Variants in TRMU observed in about 807,000 individuals in gnomAD.
The protein encoded by TRMU is tRNA mitochondrial 2-thiouridylase, also known as mitochondrial tRNA-specific 2-thiouridylase 1.
Under a neutral mutation model 46.9 loss-of-function variants are expected in TRMU, and 49 were observed. The observed-to-expected ratio is 1.05, with a 90% CI of 0.83 to 1.33. TRMU has a LOEUF of 1.33. Among genes scored for constraint, TRMU ranks in the 40% most tolerant of loss-of-function variants. The pLI, the probability that TRMU is intolerant of heterozygous loss-of-function variation, is 0.00. For synonymous variants in TRMU, 241 were observed against 200.9 expected (o/e 1.20, Z -1.69); for missense variants, 572 against 532.4 (o/e 1.07, Z -0.73).
chr22:46,336,276 C>G lies in TRMU; in HGVS notation c.82+430C>G, dbSNP rs1455940028. Reference sequence around the variant, plus strand: ...GGCCGCCCGGTGGGAGGTCCTTGTCCTCCCCACTCAGCAGACTGGACAACT... The same window carrying G: ...GGCCGCCCGGTGGGAGGTCCTTGTCGTCCCCACTCAGCAGACTGGACAACT... On this transcript the variant is annotated intron_variant, in intron 1 of 10. Coordinates refer to ENST00000645190, the MANE Select transcript of TRMU (RefSeq NM_018006.5). This position sits in a 1 kb window ranked among gnomAD's most constrained non-coding sequence, Gnocchi z 4.1. The G allele has an allele frequency of 2.5e-6, 1 of 406,378 alleles. No individual in the cohort carries two copies. Among genetic ancestry groups the G allele is most frequent in the South Asian group, 6.1e-5 (1 of 16,434 alleles). 25.2% of individuals were successfully genotyped at this position (406,378 alleles called of 1,614,324 possible).
Position 46,335,759 on chromosome 22 carries a change from T to A in TRMU, c.-6T>A. ...GCTGCAGCTGGCGAAGTTGGGCGAC[T>A]GGCGGATGCAGGCCTTGCGGCACGT... On this transcript the variant is annotated 5_prime_UTR_variant, in exon 1 of 11. Transcript: ENST00000645190. 1 of 1,550,538 alleles carries A rather than the reference T, an allele frequency of 6.4e-7. No homozygotes were observed. The highest frequency in any genetic ancestry group is 8.7e-7 in the Non-Finnish European group (1 of 1,151,608).
In TRMU at chr22:46,349,513, A is replaced by C. The variant is rs1039288090; in HGVS notation, c.479-778A>C. ...ACGGCATGTGGCGTGCTCTGAGTGT[A>C]ACTCGAAAGGAGAAGTTTATGAGAA... On this transcript the variant is annotated intron_variant, in intron 4 of 10. Transcript: ENST00000645190. This position sits in a 1 kb window ranked among gnomAD's most constrained non-coding sequence, Gnocchi z 4.6. Among the ~76,000 whole-genome samples, 1 of 152,244 alleles carries C rather than the reference A, an allele frequency of 6.6e-6. No individual in the cohort carries two copies. The highest frequency in any genetic ancestry group is 1.5e-5 in the Non-Finnish European group (1 of 68,038).
In TRMU at chr22:46,350,282, T is replaced by C; in HGVS notation, c.479-9T>C. ...TCCTGCATCGTCTTTTGTTCTTTAT[T>C]CTTGGCAGCGGTAAAACTCCTCCAG... On this transcript the variant is annotated splice_polypyrimidine_tract_variant and intron_variant, in intron 4 of 10. Transcript: ENST00000645190. This position sits in a 1 kb window ranked among gnomAD's most constrained non-coding sequence, Gnocchi z 4.6. 6.2e-7 allele frequency: 1 copy of C among 1,614,214 alleles called. No individual in the cohort carries two copies. Among genetic ancestry groups the C allele is most frequent in the Non-Finnish European group, 8.5e-7 (1 of 1,180,026 alleles).
intron 7 of TRMU, chr22:46,353,470 C>T (rs907535878): frequency 2.1e-5 from 8 of 381,142 alleles, no homozygotes; most frequent in Admixed American, 3.7e-5. Context: ...CACCCAGCCG[C>T]ATCCTGGGCC....
rs1466804790 is a variant in TRMU at position 46,353,866 on chromosome 22, T to C, written c.872T>C (p.Val291Ala). ...GACAGCGTCAAGGGTGACGTGTTTG[T>C]GGTGAGTGGGCCGGCCTCTGAGACA... ...EKDSVKGDVF[V>A]APRTDHPALY... Residue 291 changes from valine (V) to alanine (A), a missense_variant and splice_region_variant, in exon 8 of 11, where the codon GTG (valine) becomes GCG (alanine). Val to Ala is a moderately conservative substitution (Grantham distance 64, BLOSUM62 0). Transcript: ENST00000645190. 1.2e-6 allele frequency: 2 copies of C among 1,613,256 alleles called. No homozygotes were observed. Among genetic ancestry groups the C allele is most frequent in the Non-Finnish European group, 1.7e-6 (2 of 1,179,508 alleles).
rs1017300365 is a variant in TRMU at position 46,339,851 on chromosome 22, A to G, written c.248+1907A>G. Among the ~76,000 whole-genome samples the G allele has an allele frequency of 6.6e-6, 1 of 152,172 alleles. No individual in the cohort carries two copies. Among genetic ancestry groups the G allele is most frequent in the African/African-American group, 2.4e-5 (1 of 41,432 alleles). ...AATTTTCCTGGGGAAAGTTACCTGTAGAATGCATGATAAATGCATTAAAAA... is the reference window on the plus strand; with the variant it reads ...AATTTTCCTGGGGAAAGTTACCTGTGGAATGCATGATAAATGCATTAAAAA... On this transcript the variant is annotated intron_variant, in intron 2 of 10. Coordinates refer to ENST00000645190, the MANE Select transcript of TRMU (RefSeq NM_018006.5). The surrounding 1 kb of genome is among the most constrained non-coding windows in gnomAD (Gnocchi z 4.8).
chr22:46,340,375 A>G (rs2078090474), intron 2 of TRMU, among the ~76,000 whole-genome samples: 1 of 152,218 alleles, frequency 6.6e-6, no homozygotes, highest in Non-Finnish European at 1.5e-5. Flanking sequence ...TTGAGGGGAC[A>G]ACAGGGAATC....
chr22:46,356,096 C>T, intron 10 of TRMU, 24 bp downstream of exon 10: 2 of 1,613,286 alleles, frequency 1.2e-6, no homozygotes, highest in Non-Finnish European at 1.7e-6. Flanking sequence ...GGGGGTGAGC[C>T]CGGGGAGGAC....
rs188070280 is a variant in TRMU, at chr22:46,348,769, T to C, written c.479-1522T>C. Among the ~76,000 whole-genome samples the C allele has an allele frequency of 6.6e-6, 1 of 152,276 alleles. No individual in the cohort carries two copies. The highest frequency in any genetic ancestry group is 1.9e-4 in the East Asian group (1 of 5,184). ...AAAATGACGCAGAACTAGGAGAAAA[T>C]GCAAATGGCTCCTAGTTTTCTGAGG... On this transcript the variant is annotated intron_variant, in intron 4 of 10. Coordinates refer to ENST00000645190, the MANE Select transcript of TRMU (RefSeq NM_018006.5). This position sits in a 1 kb window ranked among gnomAD's most constrained non-coding sequence, Gnocchi z 4.8.
chr22:46,356,571 C>T (rs1323970830), intron 10 of TRMU: 2 of 532,506 alleles, frequency 3.8e-6, no homozygotes, highest in Non-Finnish European at 6.8e-6. Context: ...GTGCAGAGAC[C>T]TGCCAGTCCC....
Position 46,336,183 on chromosome 22 carries a change from G to A in TRMU, c.82+337G>A, listed in dbSNP as rs1379482989. The A allele has an allele frequency of 1.7e-6, 2 of 1,193,954 alleles. No individual in the cohort carries two copies. The highest frequency in any genetic ancestry group is 2.1e-6 in the Non-Finnish European group (2 of 952,940). The allele number at this position is 1,193,954 out of a possible 1,614,324, so 74.0% of individuals were successfully genotyped here. On this transcript the variant is annotated intron_variant, in intron 1 of 10. Transcript: ENST00000645190. The surrounding 1 kb of genome is among the most constrained non-coding windows in gnomAD (Gnocchi z 4.1). ...ATCTGCGGCGTCCACATTCACCTGT[G>A]AGACCGTGGACACTGGTGAGGGGAG...
At chr22:46,340,367 G>A (rs1243118928) in intron 2 of TRMU, among the ~76,000 whole-genome samples, 1 of 152,208 alleles carries the variant, frequency 6.6e-6, no homozygotes, top group Non-Finnish European at 1.5e-5. Flanking sequence ...TGTAGAGTTT[G>A]AGGGGACAAC....
rs936585922 is a variant in TRMU at position 46,356,877 on chromosome 22, C to T, written c.1137C>T (p.Gly379=). 1.9e-6 allele frequency: 3 copies of T among 1,613,364 alleles called. No individual in the cohort carries two copies. Among genetic ancestry groups the T allele is most frequent in the African/African-American group, 1.3e-5 (1 of 74,942 alleles). Residue 379 remains glycine (G), a synonymous_variant, in exon 11 of 11, where the codon GGC becomes GGT. Coordinates refer to ENST00000645190, the MANE Select transcript of TRMU (RefSeq NM_018006.5). The stretch of plus-strand genomic sequence containing the variant: ...TCTACAAGGGGGACGAGTGCCTGGG[C>T]AGCGGGAAGATCCTGCGGCTGGGGC... ...AVFYKGDECL[G]SGKILRLGPS...
At chr22:46,356,602 C>T (rs2078616930) in intron 10 of TRMU, 1 of 568,692 alleles carries the variant, frequency 1.8e-6, no homozygotes, top group Admixed American at 3.0e-5. Flanking sequence ...AGGAGAGGCC[C>T]CTGTGACTGT....
In TRMU at chr22:46,350,350, G is replaced by T. The variant is rs863224239; in HGVS notation, c.538G>T (p.Val180Phe). 6.2e-7 allele frequency: 1 copy of T among 1,614,116 alleles called. No homozygotes were observed. The highest frequency in any genetic ancestry group is 1.3e-5 in the African/African-American group (1 of 74,944). The change falls in exon 5 of 11, where the codon GTT becomes TTT. Residue 180 changes from valine (V) to phenylalanine (F), a missense_variant. Coordinates refer to ENST00000645190, the MANE Select transcript of TRMU (RefSeq NM_018006.5). This position sits in a 1 kb window ranked among gnomAD's most constrained non-coding sequence, Gnocchi z 4.6. ...FKDQTFFLSQ[V>F]SQDALRRTIF... ...AGACCAGACCTTCTTTCTCAGCCAG[G>T]TTTCCCAGGATGCCCTGAGGAGAAC... is the stretch of plus-strand genomic sequence containing the variant.
rs1450500839 is a variant in TRMU at position 46,348,487 on chromosome 22, C to T, written c.479-1804C>T. ...GTAGAGCACCTGCAGGGGCAGTGGACGGCCTGGGCTCAGGGTCGGTCAGCA... is the reference window on the plus strand; with the variant it reads ...GTAGAGCACCTGCAGGGGCAGTGGATGGCCTGGGCTCAGGGTCGGTCAGCA... On this transcript the variant is annotated intron_variant, in intron 4 of 10. Transcript: ENST00000645190. This position sits in a 1 kb window ranked among gnomAD's most constrained non-coding sequence, Gnocchi z 4.8. Among the ~76,000 whole-genome samples the T allele has an allele frequency of 3.3e-5, 5 of 152,212 alleles. No homozygotes were observed. Among genetic ancestry groups the T allele is most frequent in the South Asian group, 2.1e-4 (1 of 4,834 alleles).
In TRMU at chr22:46,348,909, C is replaced by T. The variant is rs1431509255; in HGVS notation, c.479-1382C>T. Among the ~76,000 whole-genome samples the T allele has an allele frequency of 2.0e-5, 3 of 151,694 alleles. No homozygotes were observed. The highest frequency in any genetic ancestry group is 2.9e-5 in the Non-Finnish European group (2 of 67,960). ...CAGCACTTTGGGAAGCCAAGGCAGG[C>T]GGATCATGAGGTCAGGAGTTCCAGA... On this transcript the variant is annotated intron_variant, in intron 4 of 10. Coordinates refer to ENST00000645190, the MANE Select transcript of TRMU (RefSeq NM_018006.5). The surrounding 1 kb of genome is among the most constrained non-coding windows in gnomAD (Gnocchi z 4.8).
At chr22:46,355,749 C>T in intron 9 of TRMU, 161 bp downstream of exon 9, 1 of 1,314,110 alleles carries the variant, frequency 7.6e-7, no homozygotes, top group East Asian at 2.5e-5. Flanking sequence ...CTGTGCCTGC[C>T]CTGAGCGAGG....
intron 1 of TRMU, among the ~76,000 whole-genome samples, chr22:46,337,221 T>G (rs6007880): frequency 0.27 from 40,634 of 152,156 alleles, 8,391 homozygotes; most frequent in African/African-American, 0.58. Context: ...ATACAGGGTC[T>G]GCACCTGTGT....
Sources: allele counts gnomAD v4.1 joint callset (sites outside exome capture counted in the v4.1 genomes callset), GRCh38; gene constraint gnomAD v4.1.1; non-coding constraint Gnocchi (gnomAD v3.1); transcripts MANE v1.5; gene names NCBI Gene and HGNC (gene_info 2026-07-23, HGNC 2026-07-21).